The following KDM4C variants were observed in gnomAD, a reference collection of about 807,000 sequenced individuals.
KDM4C encodes lysine-specific demethylase 4C.
A neutral mutation model predicts 129.3 loss-of-function variants in KDM4C; 81 were observed. The ratio of observed to expected loss-of-function variants is 0.63; its 90% CI spans 0.52 to 0.75. The LOEUF (loss-of-function observed/expected upper bound fraction) is 0.75, where lower values mean the gene tolerates loss of function less well. Ranked by LOEUF, KDM4C falls within the 30% of genes least tolerant of loss-of-function variation. KDM4C has a pLI of 0.00. For synonymous variants in KDM4C, 573 were observed against 456.1 expected (o/e 1.26, Z -3.26); for missense variants, 1,457 against 1,304.0 (o/e 1.12, Z -1.81).
chr9:6,776,074 T>C (rs1435995516), intron 1 of KDM4C, among the ~76,000 whole-genome samples: 1 of 152,232 alleles, frequency 6.6e-6, no homozygotes, highest in Non-Finnish European at 1.5e-5. Flanking sequence ...CATAGAAGGA[T>C]AACACACCTT....
rs367752801 is a variant in KDM4C at position 7,020,875 on chromosome 9, C to T, written c.2259+4946C>T. Among the ~76,000 whole-genome samples, 9 of 151,398 alleles carry T rather than the reference C, an allele frequency of 5.9e-5. No individual in the cohort carries two copies. In the South Asian group the frequency reaches 1.9e-3, roughly 32 times the overall value. On this transcript the variant is annotated intron_variant, in intron 15 of 21. Transcript: ENST00000381309. The stretch of plus-strand genomic sequence containing the variant: ...CAATTAAATTATTTTTGACTGTAGT[C>T]ACCTTGCTGTGTAGCAAATACTGTT...
At chr9:6,949,560 T>C (rs1019483302) in intron 8 of KDM4C, among the ~76,000 whole-genome samples, 3 of 152,182 alleles carry the variant, frequency 2.0e-5, no homozygotes, top group African/African-American at 7.2e-5. Context: ...CATTGAGCAC[T>C]GAGTGAACGA....
intron 17 of KDM4C, among the ~76,000 whole-genome samples, chr9:7,092,755 G>C (rs1311217466): frequency 6.6e-6 from 1 of 152,178 alleles, no homozygotes; most frequent in East Asian, 1.9e-4. Flanking sequence ...CCACACTTTA[G>C]TTGTATGATT....
At chr9:7,002,707 C>T (rs1238032853) in intron 12 of KDM4C, among the ~76,000 whole-genome samples, 1 of 152,100 alleles carries the variant, frequency 6.6e-6, no homozygotes, top group Non-Finnish European at 1.5e-5. Context: ...TACTAGTAAC[C>T]ATTACTTATA....
intron 8 of KDM4C, among the ~76,000 whole-genome samples, chr9:6,975,953 G>T (rs762131574): frequency 6.6e-6 from 1 of 152,182 alleles, no homozygotes; most frequent in Non-Finnish European, 1.5e-5. Context: ...CAGGAGAATC[G>T]CTTCAACCAG....
chr9:6,878,723 T>A (rs916351819), intron 5 of KDM4C, among the ~76,000 whole-genome samples: 3 of 152,194 alleles, frequency 2.0e-5, no homozygotes, highest in African/African-American at 7.2e-5. Context: ...ATATTCATAT[T>A]ACATGTATGT....
chr9:7,056,808 T>C (rs1830932455), intron 17 of KDM4C, among the ~76,000 whole-genome samples: 2 of 152,228 alleles, frequency 1.3e-5, no homozygotes, highest in Non-Finnish European at 2.9e-5. Flanking sequence ...TTTTCTGATC[T>C]TGTCTGTGTG....
upstream of KDM4C, among the ~76,000 whole-genome samples, chr9:6,756,402 G>C (rs1189947776): frequency 6.6e-6 from 1 of 152,192 alleles, no homozygotes; most frequent in Non-Finnish European, 1.5e-5. Context: ...ATTCCCAGTT[G>C]AGTATACGTT....
At chr9:6,790,609 C>G in intron 1 of KDM4C, among the ~76,000 whole-genome samples, 1 of 144,818 alleles carries the variant, frequency 6.9e-6, no homozygotes. Context: ...TTTTATCTGC[C>G]CCATCCCTCA....
At chr9:7,012,079 T>C (rs978035843) in intron 13 of KDM4C, among the ~76,000 whole-genome samples, 200 bp downstream of exon 13, 2 of 152,158 alleles carry the variant, frequency 1.3e-5, no homozygotes, top group Admixed American at 6.5e-5. Context: ...ACTTTATCTT[T>C]TCCTTTTGAG....
chr9:6,937,081 CAAGT>C (rs1037425476), intron 8 of KDM4C, among the ~76,000 whole-genome samples: 11 of 152,136 alleles, frequency 7.2e-5, no homozygotes, highest in Non-Finnish European at 1.0e-4. Flanking sequence ...AGAAAGGAAA[CAAGT>C]AAGTTATTGT....
intron 17 of KDM4C, among the ~76,000 whole-genome samples, chr9:7,069,535 A>G (rs919533252): frequency 2.6e-5 from 4 of 151,356 alleles, no homozygotes; most frequent in African/African-American, 7.4e-5. Flanking sequence ...AAACAAAACA[A>G]AAAACTTTAA....
chr9:6,918,954 C>G (rs551646844), intron 8 of KDM4C, among the ~76,000 whole-genome samples: 5 of 152,098 alleles, frequency 3.3e-5, no homozygotes, highest in African/African-American at 1.2e-4. Context: ...TGGGTTCAAG[C>G]GATTCTCCTG....
At chr9:6,800,881 G>A (rs192216710) in intron 2 of KDM4C, among the ~76,000 whole-genome samples, 3 of 152,312 alleles carry the variant, frequency 2.0e-5, no homozygotes, top group Non-Finnish European at 4.4e-5. Flanking sequence ...TCCAGCCTCG[G>A]CCTCCTGAAG....
At chr9:6,803,588 T>G (rs912285803) in intron 2 of KDM4C, among the ~76,000 whole-genome samples, 3 of 150,580 alleles carry the variant, frequency 2.0e-5, no homozygotes, top group Non-Finnish European at 4.4e-5. Context: ...AAAAAAAAGT[T>G]TGTTTTAAAA....
In KDM4C at chr9:6,758,054, G is replaced by T; in HGVS notation, c.-167G>T. ...GGGTGAGGCGCGGCGCAGTGATCGG[G>T]CGGCCGGGGTCCTGTGCGCGTGCGC... is the stretch of plus-strand genomic sequence containing the variant. On this transcript the variant is annotated 5_prime_UTR_variant, in exon 1 of 22. Coordinates refer to ENST00000381309, the MANE Select transcript of KDM4C (RefSeq NM_015061.6). This position sits in a 1 kb window ranked among gnomAD's most constrained non-coding sequence, Gnocchi z 4.6. 4.1e-6 allele frequency: 4 copies of T among 985,500 alleles called. No individual in the cohort carries two copies. Among genetic ancestry groups the T allele is most frequent in the Non-Finnish European group, 4.8e-6 (4 of 829,976 alleles). The allele number at this position is 985,500 out of a possible 1,614,324, so 61.0% of individuals were successfully genotyped here. A position where few individuals can be genotyped will look rare whatever the true frequency, so the allele number is the denominator to read the frequency against.
chr9:7,127,940 A>G (rs1428039402), intron 18 of KDM4C, 126 bp from the exon 19 acceptor site: 6 of 849,330 alleles, frequency 7.1e-6, no homozygotes, highest in Non-Finnish European at 8.3e-6. Flanking sequence ...ATATTAAGTT[A>G]AAAATTTTTT....
upstream of KDM4C, among the ~76,000 whole-genome samples, chr9:6,756,409 C>G (rs909984122): frequency 1.3e-5 from 2 of 152,150 alleles, no homozygotes; most frequent in African/African-American, 2.4e-5. Flanking sequence ...GTTGAGTATA[C>G]GTTAGCCAAG....
intron 11 of KDM4C, among the ~76,000 whole-genome samples, chr9:6,988,019 G>T (rs931303555): frequency 1.5e-4 from 23 of 151,708 alleles, no homozygotes; most frequent in South Asian, 4.2e-4. Flanking sequence ...AAAAAATTTA[G>T]TGGTGTGTGC....
Sources: allele counts gnomAD v4.1 joint callset (sites outside exome capture counted in the v4.1 genomes callset), GRCh38; gene constraint gnomAD v4.1.1; non-coding constraint Gnocchi (gnomAD v3.1); transcripts MANE v1.5; gene names NCBI Gene and HGNC (gene_info 2026-07-23, HGNC 2026-07-21).